Variants in BCAT1 observed in about 807,000 individuals in gnomAD.
BCAT1 encodes branched-chain-amino-acid aminotransferase, cytosolic.
Under a neutral mutation model 52.4 loss-of-function variants are expected in BCAT1, and 48 were observed. The ratio of observed to expected loss-of-function variants is 0.92; its 90% CI spans 0.73 to 1.16. The LOEUF (loss-of-function observed/expected upper bound fraction) is 1.16, where lower values mean the gene tolerates loss of function less well. Ranked by LOEUF, BCAT1 falls within the 50% of genes most tolerant of loss-of-function variation. BCAT1 has a pLI of 0.00. For missense variants in BCAT1, 451 were observed against 457.1 expected, an observed-to-expected ratio of 0.99 and a Z score of 0.12; for synonymous variants, 167 against 161.3, an observed-to-expected ratio of 1.04 and a Z score of -0.27.
chr12:24,906,119 G>A (rs757135185), intron 1 of BCAT1, among the ~76,000 whole-genome samples: 3 of 151,798 alleles, frequency 2.0e-5, no homozygotes, highest in Non-Finnish European at 4.4e-5. Context: ...AACTTGGTGA[G>A]GTTGAGGCTG....
chr12:24,836,574 T>C lies in BCAT1; in HGVS notation c.840A>G (p.Pro280=). The C allele has an allele frequency of 1.2e-6, 2 of 1,612,470 alleles. No individual in the cohort carries two copies. Among genetic ancestry groups the C allele is most frequent in the South Asian group, 1.1e-5 (1 of 90,542 alleles). ...EDGEEELATP[P]LDGIILPGVT... ...CTCCTGGAAGAATGATGCCATCTAG[T>C]GGAGGAGTTGCCAGTTCTTCTTCTG... The change falls in exon 8 of 11, where the codon CCA becomes CCG. Residue 280 remains proline (P), a synonymous_variant. Coordinates refer to ENST00000261192, the MANE Select transcript of BCAT1 (RefSeq NM_005504.7).
At chr12:24,947,983 A>G (rs933229285) in intron 1 of BCAT1, among the ~76,000 whole-genome samples, 8 of 152,222 alleles carry the variant, frequency 5.3e-5, no homozygotes, top group Non-Finnish European at 1.0e-4. Context: ...CGCTATTTAC[A>G]TATTATTTCT....
Position 24,814,034 on chromosome 12 carries a change from G to A in BCAT1, c.*3974C>T, listed in dbSNP as rs1174487204. On this transcript the variant is annotated 3_prime_UTR_variant, in exon 11 of 11. Coordinates refer to ENST00000261192, the MANE Select transcript of BCAT1 (RefSeq NM_005504.7). Reference sequence around the variant, plus strand: ...AATAGGTAATGCTCATTGAAAAGCTGGTACCCTTTGCCTCCTTTTGTGGGG... The same window carrying A: ...AATAGGTAATGCTCATTGAAAAGCTAGTACCCTTTGCCTCCTTTTGTGGGG... 6.6e-6 allele frequency: 1 copy of A among 152,046 alleles called. No individual in the cohort carries two copies. Among genetic ancestry groups the A allele is most frequent in the Non-Finnish European group, 1.5e-5 (1 of 67,958 alleles). 9.4% of individuals were successfully genotyped at this position (152,046 alleles called of 1,614,324 possible). A position where few individuals can be genotyped will look rare whatever the true frequency, so the allele number is the denominator to read the frequency against.
At chr12:24,932,166 A>G (rs1943685069) in intron 1 of BCAT1, among the ~76,000 whole-genome samples, 1 of 152,260 alleles carries the variant, frequency 6.6e-6, no homozygotes, top group Non-Finnish European at 1.5e-5. Context: ...ATGTAACCAT[A>G]GTACACTACT....
rs978185262 is a variant in BCAT1 at position 24,817,909 on chromosome 12, A to C, written c.*99T>G. 4 of 1,264,500 alleles carry C rather than the reference A, an allele frequency of 3.2e-6. No individual in the cohort carries two copies. The highest frequency in any genetic ancestry group is 4.6e-6 in the Non-Finnish European group (4 of 875,236). The allele number at this position is 1,264,500 out of a possible 1,614,324, so 78.3% of individuals were successfully genotyped here. On this transcript the variant is annotated 3_prime_UTR_variant, in exon 11 of 11. Transcript: ENST00000261192. ...TGATACTACAAACTACATTATGCAC[A>C]GGTAGCCAAAGAAATCTATCACAAT...
chr12:24,937,032 A>G (rs1157001833), intron 1 of BCAT1, among the ~76,000 whole-genome samples: 1 of 152,144 alleles, frequency 6.6e-6, no homozygotes, highest in African/African-American at 2.4e-5. Flanking sequence ...TGGACGACAT[A>G]TGGTTGCACA....
At chr12:24,822,109 A>G (rs1431216082) in intron 10 of BCAT1, among the ~76,000 whole-genome samples, 1 of 152,176 alleles carries the variant, frequency 6.6e-6, no homozygotes, top group Admixed American at 6.5e-5. Flanking sequence ...AACACGGCCA[A>G]TGCTCTCCAA....
chr12:24,823,628 C>T (rs1250642355), intron 10 of BCAT1, among the ~76,000 whole-genome samples: 1 of 152,148 alleles, frequency 6.6e-6, no homozygotes, highest in African/African-American at 2.4e-5. Context: ...TTGCTGTTCT[C>T]ATGATAGTGA....
At chr12:24,906,210 A>T (rs541235554) in intron 1 of BCAT1, among the ~76,000 whole-genome samples, 1 of 152,046 alleles carries the variant, frequency 6.6e-6, no homozygotes, top group African/African-American at 2.4e-5. Flanking sequence ...AAAGAAAAAT[A>T]GATGATATAA....
chr12:24,872,422 T>A (rs1942206184), intron 5 of BCAT1, among the ~76,000 whole-genome samples: 1 of 152,202 alleles, frequency 6.6e-6, no homozygotes, highest in East Asian at 1.9e-4. Context: ...AATGTAAGAT[T>A]TCCCAGGAAG....
intron 2 of BCAT1, among the ~76,000 whole-genome samples, chr12:24,899,645 T>G (rs759170443): frequency 6.6e-6 from 1 of 151,960 alleles, no homozygotes; most frequent in Non-Finnish European, 1.5e-5. Context: ...TGTCCATCAA[T>G]GAACAAATAA....
intron 5 of BCAT1, among the ~76,000 whole-genome samples, chr12:24,861,758 T>C (rs1941854816): frequency 6.6e-6 from 1 of 152,146 alleles, no homozygotes. Flanking sequence ...CTGTGCTCCA[T>C]TCCTAAGAGG....
chr12:24,936,165 C>A (rs1943750265), intron 1 of BCAT1, among the ~76,000 whole-genome samples: 1 of 152,198 alleles, frequency 6.6e-6, no homozygotes, highest in Non-Finnish European at 1.5e-5. Context: ...TTCCAGGTAC[C>A]AAAATCTGTA....
intron 10 of BCAT1, among the ~76,000 whole-genome samples, 166 bp from the exon 11 acceptor site, chr12:24,818,215 A>C (rs1320075985): frequency 6.6e-6 from 1 of 152,202 alleles, no homozygotes; most frequent in African/African-American, 2.4e-5. Context: ...AGAGAGAAAG[A>C]GAGGAAAAGA....
intron 5 of BCAT1, 116 bp downstream of exon 5, chr12:24,878,414 G>A (rs1942404604): frequency 3.3e-6 from 3 of 899,980 alleles, no homozygotes; most frequent in Non-Finnish European, 4.7e-6. Flanking sequence ...GAAGGAAGAA[G>A]TCATTAATGA....
rs1939876205 is a variant in BCAT1, at chr12:24,816,390, A to G, written c.*1618T>C. ...CTGAGAGTTGACCTTCCAAGGAAAA[A>G]TGTTTTCTGTCAAGATTTGACTTTC... On this transcript the variant is annotated 3_prime_UTR_variant, in exon 11 of 11. Transcript: ENST00000261192. The G allele has an allele frequency of 2.5e-6, 1 of 396,666 alleles. No individual in the cohort carries two copies. The highest frequency in any genetic ancestry group is 4.4e-6 in the Non-Finnish European group (1 of 225,218). 24.6% of individuals were successfully genotyped at this position (396,666 alleles called of 1,614,324 possible). A position where few individuals can be genotyped will look rare whatever the true frequency, so the allele number is the denominator to read the frequency against.
At chr12:24,936,238 T>C (rs1318460910) in intron 1 of BCAT1, among the ~76,000 whole-genome samples, 1 of 152,132 alleles carries the variant, frequency 6.6e-6, no homozygotes, top group Admixed American at 6.5e-5. Flanking sequence ...TTATACAAAA[T>C]TATTCTTTTT....
chr12:24,856,749 G>C (rs1240655699), intron 5 of BCAT1, among the ~76,000 whole-genome samples: 1 of 152,154 alleles, frequency 6.6e-6, no homozygotes, highest in Non-Finnish European at 1.5e-5. Flanking sequence ...GGCAGCCCTA[G>C]CTAGCCACAG....
At chr12:24,854,848 GA>G (rs1303377404) in intron 5 of BCAT1, among the ~76,000 whole-genome samples, 2 of 151,982 alleles carry the variant, frequency 1.3e-5, no homozygotes, top group African/African-American at 4.8e-5. Context: ...ACCAAAGCTT[GA>G]AAAAAATATT....
Sources: gnomAD v4.1 joint callset for allele counts (sites outside exome capture counted in the v4.1 genomes callset) on GRCh38, gnomAD v4.1.1 for gene constraint, MANE v1.5 for transcripts, NCBI Gene and HGNC (gene_info 2026-07-23, HGNC 2026-07-21) for gene names.